The following VOPP1 variants were observed in gnomAD, a reference collection of about 807,000 sequenced individuals.
VOPP1 encodes WW domain binding protein VOPP1.
In VOPP1, 8 loss-of-function variants were observed where a neutral mutation model predicts 23.5. The observed-to-expected ratio is 0.34, with a 90% CI of 0.20 to 0.61. The LOEUF (loss-of-function observed/expected upper bound fraction) is 0.61, where lower values mean the gene tolerates loss of function less well. Among genes scored for constraint, VOPP1 ranks in the 20% least tolerant of loss-of-function variants. The probability of loss-of-function intolerance (pLI) is 0.78; values close to 1 mark genes in which losing one functional copy is unlikely to be tolerated. For synonymous variants in VOPP1, 83 were observed against 97.3 expected (o/e 0.85, Z 0.86); for missense variants, 174 against 238.1 (o/e 0.73, Z 1.77).
intron 1 of VOPP1, among the ~76,000 whole-genome samples, chr7:55,550,640 G>A (rs137936913): frequency 0.011 from 1,672 of 152,208 alleles, 11 homozygotes; most frequent in Middle Eastern, 0.02. Flanking sequence ...CAATGTCAGG[G>A]GCACTCGCGA....
At chr7:55,517,909 T>C (rs959043655) in intron 2 of VOPP1, among the ~76,000 whole-genome samples, 6 of 152,222 alleles carry the variant, frequency 3.9e-5, no homozygotes, top group South Asian at 2.1e-4. Context: ...GGTGAGGGTA[T>C]TGGACAAGCC....
downstream of VOPP1, among the ~76,000 whole-genome samples, chr7:55,469,127 A>G (rs1791710174): frequency 6.6e-6 from 1 of 152,126 alleles, no homozygotes; most frequent in African/African-American, 2.4e-5. Context: ...TTTCAGGACA[A>G]AATGCCTAGA....
chr7:55,453,118 C>G (rs1471547644), intron 4 of VOPP1, among the ~76,000 whole-genome samples: 1 of 152,224 alleles, frequency 6.6e-6, no homozygotes, highest in Non-Finnish European at 1.5e-5. Flanking sequence ...CTTGCTGCAG[C>G]TTCTACATCA....
intron 4 of VOPP1, among the ~76,000 whole-genome samples, chr7:55,485,230 G>A (rs1341408642): frequency 2.0e-5 from 3 of 152,146 alleles, no homozygotes; most frequent in Non-Finnish European, 4.4e-5. Context: ...TCTCACCTAA[G>A]CAGCCAGCCC....
At chr7:55,558,490 T>TG (rs1222472438) in intron 1 of VOPP1, among the ~76,000 whole-genome samples, 1 of 152,170 alleles carries the variant, frequency 6.6e-6, no homozygotes, top group African/African-American at 2.4e-5. Context: ...CCTGCTAACC[T>TG]GTTCAGGTGT....
intron 3 of VOPP1, among the ~76,000 whole-genome samples, chr7:55,497,071 G>A (rs1466833592): frequency 6.6e-6 from 1 of 152,226 alleles, no homozygotes; most frequent in Non-Finnish European, 1.5e-5. Context: ...CATGGAATGT[G>A]CTCCCACCCT....
intron 4 of VOPP1, among the ~76,000 whole-genome samples, chr7:55,457,453 C>T (rs898830536): frequency 2.6e-5 from 4 of 152,094 alleles, no homozygotes; most frequent in Non-Finnish European, 5.9e-5. Context: ...TGTGATACAC[C>T]GATTTCCTGT....
At chr7:55,521,268 A>G in intron 1 of VOPP1, 138 bp from the exon 2 acceptor site, 3 of 860,138 alleles carry the variant, frequency 3.5e-6, no homozygotes, top group South Asian at 3.5e-5. Flanking sequence ...CAGACAATGC[A>G]TTACAGGGAG....
chr7:55,550,484 T>C (rs1223170827), intron 1 of VOPP1, among the ~76,000 whole-genome samples: 3 of 152,250 alleles, frequency 2.0e-5, no homozygotes, highest in African/African-American at 7.2e-5. Context: ...TCTGGAAATA[T>C]ATATCAGATG....
chr7:55,515,001 C>T (rs901927934), intron 2 of VOPP1, among the ~76,000 whole-genome samples: 2 of 152,186 alleles, frequency 1.3e-5, no homozygotes, highest in Admixed American at 1.3e-4. Flanking sequence ...GCACCTCTGT[C>T]AGCTGTGGAG....
At chr7:55,451,864 G>A (rs541181165) in intron 4 of VOPP1, among the ~76,000 whole-genome samples, 29 of 152,200 alleles carry the variant, frequency 1.9e-4, no homozygotes, top group Admixed American at 1.7e-3. Flanking sequence ...TAATCTTTTT[G>A]CTGGTGGAGG....
At chr7:55,541,385 G>A (rs1009871007) in intron 1 of VOPP1, among the ~76,000 whole-genome samples, 1 of 152,168 alleles carries the variant, frequency 6.6e-6, no homozygotes, top group African/African-American at 2.4e-5. Context: ...TTAGTCATTA[G>A]GGAATTACAA....
intron 4 of VOPP1, among the ~76,000 whole-genome samples, chr7:55,473,307 C>T (rs189149044): frequency 6.6e-6 from 1 of 152,346 alleles, no homozygotes; most frequent in East Asian, 1.9e-4. Context: ...GGAAACTGGG[C>T]CACAGTAAGG....
chr7:55,451,590 G>C (rs1451423889), intron 4 of VOPP1, among the ~76,000 whole-genome samples: 1 of 152,140 alleles, frequency 6.6e-6, no homozygotes, highest in South Asian at 2.1e-4. Context: ...AGGAGTTTGA[G>C]ACCAGCCTGG....
chr7:55,459,690 G>A (rs1334928377), intron 4 of VOPP1, among the ~76,000 whole-genome samples: 2 of 152,046 alleles, frequency 1.3e-5, no homozygotes, highest in Non-Finnish European at 2.9e-5. Context: ...ATGATCCTTT[G>A]TGTTTCTGTG....
chr7:55,557,946 C>T (rs535685940), intron 1 of VOPP1, among the ~76,000 whole-genome samples: 1 of 152,258 alleles, frequency 6.6e-6, no homozygotes, highest in South Asian at 2.1e-4. Context: ...TCACTGAGGG[C>T]CAAAGACGTT....
chr7:55,466,116 C>CT (rs1214688345), downstream of VOPP1, among the ~76,000 whole-genome samples: 1 of 152,182 alleles, frequency 6.6e-6, no homozygotes, highest in Non-Finnish European at 1.5e-5. Flanking sequence ...ATCTATGAAC[C>CT]ACGAAGCAGA....
intron 1 of VOPP1, among the ~76,000 whole-genome samples, chr7:55,540,633 A>G (rs550494149): frequency 8.5e-4 from 129 of 152,264 alleles, no homozygotes; most frequent in African/African-American, 3.0e-3. Context: ...CACGTGGAGC[A>G]TAAGTTCCAT....
intron 4 of VOPP1, among the ~76,000 whole-genome samples, chr7:55,474,033 C>T (rs186962125): frequency 1.3e-5 from 2 of 152,322 alleles, no homozygotes; most frequent in Admixed American, 6.5e-5. Flanking sequence ...TGGGAATCTG[C>T]GCATGTGCGG....
Sources: allele counts gnomAD v4.1 joint callset (sites outside exome capture counted in the v4.1 genomes callset), GRCh38; gene constraint gnomAD v4.1.1; transcripts MANE v1.5; gene names NCBI Gene and HGNC (gene_info 2026-07-23, HGNC 2026-07-21).